Variants in SLC14A2 observed in about 807,000 individuals in gnomAD.
SLC14A2 encodes urea transporter 2.
Under a neutral mutation model 104.6 loss-of-function variants are expected in SLC14A2, and 91 were observed. That is an observed-to-expected ratio of 0.87 (90% confidence interval 0.73 to 1.04). The LOEUF is 1.04. Among genes scored for constraint, SLC14A2 ranks in the 50% least tolerant of loss-of-function variants. SLC14A2 has a pLI of 0.00. For missense variants in SLC14A2, 1,189 were observed against 1,156.0 expected (o/e 1.03, Z -0.41); for synonymous variants, 476 against 466.4 (o/e 1.02, Z -0.27).
chr18:45,534,941 A>T (rs2043757420), intron 2 of SLC14A2, among the ~76,000 whole-genome samples: 1 of 152,214 alleles, frequency 6.6e-6, no homozygotes. Flanking sequence ...CATACTGTAA[A>T]ATCTCAATTT....
intron 1 of SLC14A2, among the ~76,000 whole-genome samples, chr18:45,345,544 G>T (rs924694463): frequency 6.6e-6 from 1 of 152,088 alleles, no homozygotes; most frequent in Non-Finnish European, 1.5e-5. Context: ...TAGTCCTCAG[G>T]CAAACCTCTC....
At chr18:45,579,926 C>T (rs1018019821) in intron 2 of SLC14A2, among the ~76,000 whole-genome samples, 1 of 152,058 alleles carries the variant, frequency 6.6e-6, no homozygotes, top group African/African-American at 2.4e-5. Context: ...AAGAATACCA[C>T]GTGGGAGAAC....
intron 1 of SLC14A2, among the ~76,000 whole-genome samples, chr18:45,329,994 A>T (rs548693596): frequency 1.7e-3 from 257 of 152,326 alleles, no homozygotes; most frequent in Middle Eastern, 3.4e-3. Flanking sequence ...CTTTATATAC[A>T]TACTCTCACT....
At chr18:45,485,141 A>C (rs1431838921) in intron 2 of SLC14A2, 1 of 152,210 alleles carries the variant, frequency 6.6e-6, no homozygotes, top group Non-Finnish European at 1.5e-5. Flanking sequence ...TATCTATTTT[A>C]TAGATGAAAG....
At chr18:45,478,113 G>A (rs528222618) in intron 1 of SLC14A2, among the ~76,000 whole-genome samples, 1 of 152,224 alleles carries the variant, frequency 6.6e-6, no homozygotes, top group Non-Finnish European at 1.5e-5. Context: ...CCCCGGTGGT[G>A]TAGGCACCCA....
the SLC14A2 span, among the ~76,000 whole-genome samples, chr18:45,183,414 T>A: frequency 6.6e-6 from 1 of 152,306 alleles, no homozygotes; most frequent in African/African-American, 2.4e-5. Flanking sequence ...GTGGGATGGA[T>A]CAGCAGCCTA....
At chr18:45,421,752 C>T (rs761923662) in intron 1 of SLC14A2, among the ~76,000 whole-genome samples, 1 of 152,170 alleles carries the variant, frequency 6.6e-6, no homozygotes, top group Non-Finnish European at 1.5e-5. Flanking sequence ...ATGACCTACA[C>T]GACCTCTGAA....
At chr18:45,201,551 A>AGTGTGTGTGTGT in the SLC14A2 span, among the ~76,000 whole-genome samples, 5 of 149,516 alleles carry the variant, frequency 3.3e-5, no homozygotes, top group African/African-American at 1.2e-4. Flanking sequence ...GTATGTGTGT[A>AGTGTGTGTGTGT]GTGTGTGTGT....
intron 1 of SLC14A2, among the ~76,000 whole-genome samples, chr18:45,303,611 G>A (rs563331990): frequency 6.6e-6 from 1 of 152,326 alleles, no homozygotes; most frequent in Non-Finnish European, 1.5e-5. Flanking sequence ...CATAAGGGGA[G>A]GCATCTCTGC....
intron 1 of SLC14A2, among the ~76,000 whole-genome samples, chr18:45,295,422 A>G (rs895539514): frequency 5.9e-5 from 9 of 151,836 alleles, no homozygotes; most frequent in Non-Finnish European, 1.3e-4. Flanking sequence ...GAGCATTATT[A>G]TGGGTTGTCA....
At chr18:45,527,968 A>G (rs1277833701) in intron 2 of SLC14A2, 1 of 152,114 alleles carries the variant, frequency 6.6e-6, no homozygotes, top group African/African-American at 2.4e-5. Flanking sequence ...AAGGGCAGAA[A>G]ACTCTGTGTG....
chr18:45,270,486 A>G (rs1442778787), intron 1 of SLC14A2, among the ~76,000 whole-genome samples: 1 of 152,062 alleles, frequency 6.6e-6, no homozygotes, highest in African/African-American at 2.4e-5. Flanking sequence ...ACTATAAATC[A>G]TTTGGTTCTA....
intron 2 of SLC14A2, among the ~76,000 whole-genome samples, chr18:45,580,496 G>A (rs1206191392): frequency 5.9e-5 from 9 of 152,144 alleles, no homozygotes; most frequent in Admixed American, 3.9e-4. Flanking sequence ...CTCAGTCTTA[G>A]GAGAGAGGGA....
intron 1 of SLC14A2, among the ~76,000 whole-genome samples, chr18:45,343,556 T>G (rs2085418485): frequency 6.6e-6 from 1 of 152,188 alleles, no homozygotes; most frequent in South Asian, 2.1e-4. Flanking sequence ...TTTACTATCT[T>G]CCCTTTTTAT....
chr18:45,448,523 G>A (rs1161294982), intron 1 of SLC14A2, among the ~76,000 whole-genome samples: 1 of 152,176 alleles, frequency 6.6e-6, no homozygotes, highest in Non-Finnish European at 1.5e-5. Context: ...AATGACATGA[G>A]AATCAGCTTC....
At chr18:45,349,642 G>A (rs1248900555) in intron 1 of SLC14A2, among the ~76,000 whole-genome samples, 3 of 152,208 alleles carry the variant, frequency 2.0e-5, no homozygotes, top group Non-Finnish European at 4.4e-5. Context: ...CAGCAGGAAT[G>A]GGCAGATTGC....
chr18:45,639,651 A>AT (rs2045485401), intron 6 of SLC14A2, 95 bp from the exon 7 acceptor site: 4 of 1,253,484 alleles, frequency 3.2e-6, no homozygotes, highest in Non-Finnish European at 3.4e-6. Context: ...GTTCCACTCC[A>AT]TTACTCCCCC....
At chr18:45,252,715 T>C (rs901764320) in intron 1 of SLC14A2, among the ~76,000 whole-genome samples, 6 of 152,006 alleles carry the variant, frequency 3.9e-5, no homozygotes, top group African/African-American at 1.5e-4. Flanking sequence ...CAAACTCAAT[T>C]TGAGAGACAT....
At chr18:45,287,011 G>A (rs573011820) in intron 1 of SLC14A2, among the ~76,000 whole-genome samples, 1 of 152,168 alleles carries the variant, frequency 6.6e-6, no homozygotes, top group Non-Finnish European at 1.5e-5. Flanking sequence ...AGTGGAAAAT[G>A]GGCCAGCCTT....
Sources: allele counts gnomAD v4.1 joint callset (sites outside exome capture counted in the v4.1 genomes callset), GRCh38; gene constraint gnomAD v4.1.1; transcripts MANE v1.5; gene names NCBI Gene and HGNC (gene_info 2026-07-23, HGNC 2026-07-21).